COBL: variants seen among roughly 807,000 people sequenced by gnomAD.
COBL encodes the protein cordon-bleu WH2 repeat protein.
Under a neutral mutation model 98.8 loss-of-function variants are expected in COBL, and 51 were observed. The observed-to-expected ratio is 0.52, with a 90% CI of 0.41 to 0.65. COBL has a LOEUF of 0.65. Among genes scored for constraint, COBL ranks in the 30% least tolerant of loss-of-function variants. The pLI, the probability that COBL is intolerant of heterozygous loss-of-function variation, is 0.00. For synonymous variants in COBL, 634 were observed against 651.7 expected, an observed-to-expected ratio of 0.97 and a Z score of 0.41; for missense variants, 1,617 against 1,617.5, an observed-to-expected ratio of 1.00 and a Z score of 0.01.
intron 5 of COBL, among the ~76,000 whole-genome samples, chr7:51,169,042 C>T (rs1356283994): frequency 1.3e-5 from 2 of 152,076 alleles, no homozygotes; most frequent in Non-Finnish European, 2.9e-5. Context: ...CTCATTACAC[C>T]CTCCAGCATT....
At chr7:51,070,758 T>A (rs1460007888) in intron 7 of COBL, 1 of 152,140 alleles carries the variant, frequency 6.6e-6, no homozygotes, top group Admixed American at 6.6e-5. Context: ...ACAGATGCGA[T>A]GTGTGACTGA....
intron 8 of COBL, among the ~76,000 whole-genome samples, chr7:51,037,885 C>T (rs900855535): frequency 2.0e-5 from 3 of 152,166 alleles, no homozygotes; most frequent in African/African-American, 7.2e-5. Flanking sequence ...GAGTTTTACT[C>T]TTGTCACCCA....
intron 1 of COBL, among the ~76,000 whole-genome samples, chr7:51,241,911 C>T (rs1332378794): frequency 6.6e-6 from 1 of 151,866 alleles, no homozygotes; most frequent in Non-Finnish European, 1.5e-5. Flanking sequence ...GACCCTAAGG[C>T]CAATTCACGC....
At chr7:51,113,841 C>G (rs1048737663) in intron 6 of COBL, among the ~76,000 whole-genome samples, 2 of 152,154 alleles carry the variant, frequency 1.3e-5, no homozygotes, top group Non-Finnish European at 2.9e-5. Flanking sequence ...CTAAGGTTGT[C>G]TGTTTTATAT....
rs1786381010 is a variant in COBL, at chr7:51,017,429, C to T, written c.*122G>A. The T allele has an allele frequency of 4.9e-6, 3 of 618,146 alleles. No homozygotes were observed. The highest frequency in any genetic ancestry group is 9.9e-5 in the African/African-American group (2 of 20,228). The allele number at this position is 618,146 out of a possible 1,614,324, so 38.3% of individuals were successfully genotyped here. ...GAACACACCGAAAATCAACTGTGCG[C>T]ATTTGGCCTGTAGACAAGAAAGTAA... On this transcript the variant is annotated 3_prime_UTR_variant, in exon 13 of 13. Transcript: ENST00000265136.
chr7:51,028,213 C>G lies in COBL; in HGVS notation c.2883G>C (p.Leu961Phe). 3 of 1,614,184 alleles carry G rather than the reference C, an allele frequency of 1.9e-6. No homozygotes were observed. Among genetic ancestry groups the G allele is most frequent in the Non-Finnish European group, 2.5e-6 (3 of 1,180,008 alleles). The change falls in exon 10 of 13, where the codon TTG (leucine) becomes TTC (phenylalanine). Residue 961 changes from leucine (L) to phenylalanine (F), a missense_variant. Around this residue, in one of 3 missense-constraint regions of COBL, gnomAD observed 1,304 missense variants for 1,282.0 expected, o/e 1.02. Coordinates refer to ENST00000265136, the MANE Select transcript of COBL (RefSeq NM_015198.5). ...TAGCAGCAGGTCTGTCCTGAGTAGA[C>G]AACTTCCTGTGTGGGCCAATGACCT... Reference protein sequence around the residue: ...RGEVIGPHRKLSTQDRPAAIH... With the variant: ...RGEVIGPHRKFSTQDRPAAIH...
At chr7:51,136,111 T>C (rs1403846342) in intron 6 of COBL, 47 bp downstream of exon 6, 2 of 1,576,256 alleles carry the variant, frequency 1.3e-6, no homozygotes, top group South Asian at 1.2e-5. Flanking sequence ...CAATCAACTG[T>C]GTCACTGAAA....
rs200655508 is a variant in COBL, at chr7:51,193,354, T to A, written c.456+25A>T. ...GACCTGCCACACATTCAGACACAGG[T>A]ATTTCCATGTAGGTACCTACTAACC... On this transcript the variant is annotated intron_variant, in intron 3 of 12. Transcript: ENST00000265136. 1.1e-3 allele frequency: 1,821 copies of A among 1,602,420 alleles called. 1 individual carries two copies. Among genetic ancestry groups the A allele is most frequent in the Non-Finnish European group, 1.5e-3 (1,734 of 1,169,792 alleles).
At chr7:51,205,640 G>T (rs1012225698) in intron 2 of COBL, among the ~76,000 whole-genome samples, 2 of 107,534 alleles carry the variant, frequency 1.9e-5, no homozygotes, top group East Asian at 2.4e-4. Context: ...TTGTTTTTTG[G>T]TTTTTTGTTT....
Position 51,188,951 on chromosome 7 carries a change from C to T in COBL, c.685+1899G>A, listed in dbSNP as rs1289066153. ...CTTGTAAGCCTTTTTATTTCAGATACCTGAACGTGAAACAGTTTTCCCTTT... is the reference window on the plus strand; with the variant it reads ...CTTGTAAGCCTTTTTATTTCAGATATCTGAACGTGAAACAGTTTTCCCTTT... On this transcript the variant is annotated intron_variant, in intron 4 of 12. Coordinates refer to ENST00000265136, the MANE Select transcript of COBL (RefSeq NM_015198.5). Among the ~76,000 whole-genome samples the T allele has an allele frequency of 2.6e-5, 4 of 152,138 alleles. No individual in the cohort carries two copies. In the East Asian group the frequency reaches 7.7e-4, roughly 29 times the overall value.
chr7:51,145,126 T>C lies in COBL; in HGVS notation c.784-8795A>G, dbSNP rs185040159. Among the ~76,000 whole-genome samples the C allele has an allele frequency of 2.3e-3, 345 of 151,990 alleles. 3 individuals carry two copies. In the South Asian group the frequency reaches 0.037, roughly 16 times the overall value. On this transcript the variant is annotated intron_variant, in intron 5 of 12. Transcript: ENST00000265136. The stretch of plus-strand genomic sequence containing the variant: ...GCCTCCCAGGTTCAAGCGATTCTCC[T>C]GCCTCAGCCTCCTGAGTAGCTGGGA...
intron 4 of COBL, among the ~76,000 whole-genome samples, chr7:51,186,569 G>C (rs967436279): frequency 6.6e-6 from 1 of 152,188 alleles, no homozygotes; most frequent in Admixed American, 6.5e-5. Flanking sequence ...AAGGACTGAG[G>C]TCGGCTCCCT....
chr7:51,110,371 T>G (rs1796714308), intron 6 of COBL, among the ~76,000 whole-genome samples: 1 of 152,210 alleles, frequency 6.6e-6, no homozygotes, highest in Non-Finnish European at 1.5e-5. Context: ...TTTCTCCTTC[T>G]GTGCCTGGTT....
chr7:51,287,587 A>C (rs1347949135), intron 1 of COBL, among the ~76,000 whole-genome samples: 3 of 152,186 alleles, frequency 2.0e-5, no homozygotes, highest in Non-Finnish European at 4.4e-5. Flanking sequence ...CTAAAATGTT[A>C]AACACTTTAT....
At chr7:51,207,158 C>T (rs1391224212) in intron 2 of COBL, among the ~76,000 whole-genome samples, 1 of 151,712 alleles carries the variant, frequency 6.6e-6, no homozygotes, top group African/African-American at 2.4e-5. Flanking sequence ...CTGTCAATTA[C>T]ACTCCCAATA....
chr7:51,219,645 G>C, intron 2 of COBL, 96 bp downstream of exon 2: 3 of 1,328,732 alleles, frequency 2.3e-6, no homozygotes, highest in Non-Finnish European at 3.2e-6. Context: ...GACCTGATGA[G>C]GAGGAAAATG....
chr7:51,186,251 GA>G (rs1789494012), intron 4 of COBL, among the ~76,000 whole-genome samples: 2 of 151,882 alleles, frequency 1.3e-5, no homozygotes, highest in Non-Finnish European at 2.9e-5. Context: ...ACGAACTGAC[GA>G]TGGGGTTACA....
chr7:51,105,592 T>C (rs1796185656), intron 6 of COBL, among the ~76,000 whole-genome samples: 1 of 151,860 alleles, frequency 6.6e-6, no homozygotes, highest in Non-Finnish European at 1.5e-5. Context: ...CTACTAAAAA[T>C]ACAAACAAAT....
chr7:51,198,094 T>C (rs1790763636), intron 2 of COBL, among the ~76,000 whole-genome samples: 1 of 152,204 alleles, frequency 6.6e-6, no homozygotes, highest in East Asian at 1.9e-4. Flanking sequence ...TGTTTAGTGG[T>C]TGCTTTATAG....
Sources: gnomAD v4.1 joint callset for allele counts (sites outside exome capture counted in the v4.1 genomes callset) on GRCh38, gnomAD v4.1.1 for gene constraint, gnomAD v4.1.1 regional missense constraint, MANE v1.5 for transcripts, NCBI Gene and HGNC (gene_info 2026-07-23, HGNC 2026-07-21) for gene names.